Variants in CADPS observed in about 807,000 individuals in gnomAD.
The protein encoded by CADPS is calcium-dependent secretion activator 1.
Under a neutral mutation model 167.3 loss-of-function variants are expected in CADPS, and 57 were observed. That is an observed-to-expected ratio of 0.34 (90% CI 0.28 to 0.42). The LOEUF (loss-of-function observed/expected upper bound fraction) is 0.42. CADPS is among the 20% of genes least tolerant of loss of function. CADPS has a pLI of 1.00. For missense variants in CADPS, 1,414 were observed against 1,738.1 expected (o/e 0.81, Z 3.32); for synonymous variants, 676 against 635.3 (o/e 1.06, Z -0.96).
chr3:62,715,353 C>CCAATCTATCTAT (rs1554105582), intron 3 of CADPS, among the ~76,000 whole-genome samples: 2 of 140,374 alleles, frequency 1.4e-5, no homozygotes, highest in Non-Finnish European at 3.2e-5. Flanking sequence ...GTTGGCCAGC[C>CCAATCTATCTAT]CTATCTATCT....
chr3:62,524,547 T>C (rs917317574), intron 13 of CADPS, among the ~76,000 whole-genome samples: 1 of 152,294 alleles, frequency 6.6e-6, no homozygotes, highest in Middle Eastern at 3.4e-3. Context: ...ATAATTAATC[T>C]CCAAACAAGG....
chr3:62,529,237 C>A (rs1282107016), intron 13 of CADPS, among the ~76,000 whole-genome samples: 2 of 152,170 alleles, frequency 1.3e-5, no homozygotes, highest in Non-Finnish European at 2.9e-5. Context: ...ATGATTTCTT[C>A]TTTATTAAAA....
At chr3:62,591,851 T>A (rs2086117750) in intron 7 of CADPS, among the ~76,000 whole-genome samples, 1 of 152,186 alleles carries the variant, frequency 6.6e-6, no homozygotes, top group African/African-American at 2.4e-5. Flanking sequence ...CTAAACATCC[T>A]GCAAGGAATG....
intron 1 of CADPS, among the ~76,000 whole-genome samples, chr3:62,822,021 T>A (rs183819774): frequency 6.6e-6 from 1 of 152,252 alleles, no homozygotes; most frequent in East Asian, 1.9e-4. Context: ...TGACCATCCA[T>A]CCTCAAGCCA....
At position 62,650,868 on chromosome 3, in the gene CADPS, G is replaced by A. The variant is rs143096441; in HGVS notation, c.1182C>T (p.Val394=). The A allele has an allele frequency of 2.0e-3, 3,187 of 1,613,772 alleles. 2 individuals are homozygous for A. The highest frequency in any genetic ancestry group is 2.4e-3 in the Non-Finnish European group (2,848 of 1,179,840). ...TTACCTCCAATGAGAAAGACAGCAC[G>A]ACATCTGACTTGGAGAGCTGGTTCT... is the stretch of plus-strand genomic sequence containing the variant. ...ESENQLSKSD[V]VLSFSLEVVI... is the part of the protein sequence containing the mutation. Residue 394 remains valine (V), a synonymous_variant, in exon 5 of 30, where the codon GTC becomes GTT. Coordinates refer to ENST00000383710, the MANE Select transcript of CADPS (RefSeq NM_003716.4).
intron 28 of CADPS, among the ~76,000 whole-genome samples, chr3:62,414,865 G>C (rs972769354): frequency 2.0e-5 from 3 of 152,146 alleles, no homozygotes; most frequent in Non-Finnish European, 2.9e-5. Flanking sequence ...CTTGTCTACT[G>C]GGGGATTGTT....
At chr3:62,571,878 C>G (rs894180285) in intron 8 of CADPS, among the ~76,000 whole-genome samples, 1 of 152,116 alleles carries the variant, frequency 6.6e-6, no homozygotes, top group Admixed American at 6.6e-5. Flanking sequence ...GTCAATATTA[C>G]TAATCAATTC....
At chr3:62,837,437 A>G (rs2076054497) in intron 1 of CADPS, among the ~76,000 whole-genome samples, 1 of 152,220 alleles carries the variant, frequency 6.6e-6, no homozygotes, top group African/African-American at 2.4e-5. Flanking sequence ...AGGGCACTTA[A>G]TAGCCCTACG....
At chr3:62,615,669 G>A (rs1269909182) in intron 6 of CADPS, among the ~76,000 whole-genome samples, 1 of 151,972 alleles carries the variant, frequency 6.6e-6, no homozygotes, top group Non-Finnish European at 1.5e-5. Context: ...CAATATTGTG[G>A]GAATATCAAG....
chr3:62,765,420 T>C (rs1380517747), intron 2 of CADPS, among the ~76,000 whole-genome samples: 1 of 152,070 alleles, frequency 6.6e-6, no homozygotes, highest in Non-Finnish European at 1.5e-5. Context: ...AATAAGGAAG[T>C]TCATGAAGCC....
Position 62,601,352 on chromosome 3 carries a change from A to G in CADPS, c.1326-8604T>C, listed in dbSNP as rs994037979. On this transcript the variant is annotated intron_variant, in intron 6 of 29. Coordinates refer to ENST00000383710, the MANE Select transcript of CADPS (RefSeq NM_003716.4). The surrounding 1 kb of genome is among the most constrained non-coding windows in gnomAD (Gnocchi z 4.3). ...ATTGAGTAGTTATGACAGAGAATAT[A>G]GGGCCAACAAACCGAAAATTTTTAC... 6.6e-6 allele frequency among the ~76,000 whole-genome samples: 1 copy of G among 152,208 alleles called. No homozygotes were observed. The highest frequency in any genetic ancestry group is 1.5e-5 in the Non-Finnish European group (1 of 68,040).
At chr3:62,812,186 T>G (rs1202636533) in intron 1 of CADPS, among the ~76,000 whole-genome samples, 1 of 152,148 alleles carries the variant, frequency 6.6e-6, no homozygotes, top group East Asian at 1.9e-4. Flanking sequence ...ACATATGATA[T>G]TTATTTTTGG....
At chr3:62,832,347 A>G in intron 1 of CADPS, among the ~76,000 whole-genome samples, 1 of 152,238 alleles carries the variant, frequency 6.6e-6, no homozygotes, top group East Asian at 1.9e-4. Flanking sequence ...TGGCATTATG[A>G]TCTCAGAGGA....
chr3:62,814,883 G>A (rs1001515240), intron 1 of CADPS, among the ~76,000 whole-genome samples: 7 of 152,102 alleles, frequency 4.6e-5, no homozygotes, highest in Non-Finnish European at 8.8e-5. Flanking sequence ...ATTAGTCAAT[G>A]AAATGAATCA....
chr3:62,526,065 A>C (rs1156312748), intron 13 of CADPS, among the ~76,000 whole-genome samples: 1 of 152,112 alleles, frequency 6.6e-6, no homozygotes, highest in African/African-American at 2.4e-5. Flanking sequence ...ATGGCTCTTG[A>C]GGTTCTATCT....
intron 3 of CADPS, among the ~76,000 whole-genome samples, chr3:62,717,810 C>A (rs904276142): frequency 1.3e-5 from 2 of 152,158 alleles, no homozygotes; most frequent in African/African-American, 2.4e-5. Context: ...CTGTTGCATC[C>A]AAACTCACCA....
At chr3:62,666,875 T>C (rs1225403571) in intron 3 of CADPS, among the ~76,000 whole-genome samples, 2 of 151,994 alleles carry the variant, frequency 1.3e-5, no homozygotes, top group Admixed American at 6.5e-5. Context: ...CAGGGTGGAG[T>C]TGCACCCTTG....
At chr3:62,680,142 A>G (rs1243031634) in intron 3 of CADPS, among the ~76,000 whole-genome samples, 1 of 151,980 alleles carries the variant, frequency 6.6e-6, no homozygotes, top group Non-Finnish European at 1.5e-5. Flanking sequence ...GGCAAGGAAA[A>G]AAAGGTGGAG....
chr3:62,439,479 TCAAA>T (rs1320135098), intron 27 of CADPS: 1 of 152,216 alleles, frequency 6.6e-6, no homozygotes. Context: ...TGTTACACTT[TCAAA>T]CAATTTTCAG....
Sources: allele counts gnomAD v4.1 joint callset (sites outside exome capture counted in the v4.1 genomes callset), GRCh38; gene constraint gnomAD v4.1.1; non-coding constraint Gnocchi (gnomAD v3.1); transcripts MANE v1.5; gene names NCBI Gene and HGNC (gene_info 2026-07-23, HGNC 2026-07-21).